Variants in EP300 observed in about 807,000 individuals in gnomAD.
EP300 encodes the protein EP300 lysine acetyltransferase.
In EP300, 31 loss-of-function variants were observed where a neutral mutation model predicts 264.0. That is an observed-to-expected ratio of 0.12 (90% CI 0.09 to 0.16). The LOEUF is 0.16. Ranked by LOEUF, EP300 falls within the 10% of genes least tolerant of loss-of-function variation. EP300 has a pLI of 1.00. For missense variants in EP300, 2,766 were observed against 3,052.9 expected (o/e 0.91, Z 2.21); for synonymous variants, 1,340 against 1,045.4 (o/e 1.28, Z -5.44).
At chr22:41,128,896 G>T (rs544652198) in intron 4 of EP300, among the ~76,000 whole-genome samples, 24 of 152,216 alleles carry the variant, frequency 1.6e-4, no homozygotes, top group Middle Eastern at 3.4e-3. Context: ...TAACTCACTC[G>T]GTAAAGGTCG....
intron 18 of EP300, among the ~76,000 whole-genome samples, 200 bp from the exon 19 acceptor site, chr22:41,158,212 A>G (rs922896174): frequency 2.0e-5 from 3 of 152,210 alleles, no homozygotes; most frequent in African/African-American, 7.2e-5. Context: ...ATGGAAGGAT[A>G]TGACTGCTAA....
chr22:41,130,679 C>T (rs557835971), intron 5 of EP300, among the ~76,000 whole-genome samples: 68 of 152,114 alleles, frequency 4.5e-4, no homozygotes, highest in African/African-American at 1.5e-3. Flanking sequence ...ATTTAAAGAC[C>T]GTTGCTTTGG....
At position 41,164,154 on chromosome 22, in the gene EP300, C is replaced by A. The variant is rs765248981; in HGVS notation, c.3806+24C>A. The stretch of plus-strand genomic sequence containing the variant: ...GGGTAAGTCTTAACGTTGTTACTTT[C>A]TCTGGAATTTTTCTTTATCGTGAAT... On this transcript the variant is annotated intron_variant, in intron 22 of 30. Transcript: ENST00000263253. 17 of 1,608,204 alleles carry A rather than the reference C, an allele frequency of 1.1e-5. No individual in the cohort carries two copies. The African/African-American group carries it at 1.7e-4, about 16-fold the overall frequency.
chr22:41,122,296 G>C (rs1158356783), intron 2 of EP300, among the ~76,000 whole-genome samples: 1 of 151,538 alleles, frequency 6.6e-6, no homozygotes, highest in Non-Finnish European at 1.5e-5. Context: ...CTCCCGAGTA[G>C]GTGGGATTGC....
rs1340153477 is a variant in EP300, at chr22:41,172,683, T to A, written c.4617+20T>A. 1 of 1,607,260 alleles carries A rather than the reference T, an allele frequency of 6.2e-7. No individual in the cohort carries two copies. The stretch of plus-strand genomic sequence containing the variant: ...ACAGATGTAAGGGCATTGAGTTTCC[T>A]TTGAAACTTCTATCATGATTCTAAT... On this transcript the variant is annotated intron_variant, in intron 28 of 30. Transcript: ENST00000263253.
chr22:41,151,503 C>T (rs1382354877), intron 14 of EP300, among the ~76,000 whole-genome samples: 4 of 152,120 alleles, frequency 2.6e-5, no homozygotes, highest in Non-Finnish European at 5.9e-5. Flanking sequence ...TTCTTATTTT[C>T]TTTCACTCAT....
intron 1 of EP300, among the ~76,000 whole-genome samples, chr22:41,112,882 C>T (rs2058800974): frequency 6.6e-6 from 1 of 152,078 alleles, no homozygotes; most frequent in Non-Finnish European, 1.5e-5. Flanking sequence ...TCCCATGTGC[C>T]TATTACCCAG....
At chr22:41,173,543 A>G in intron 28 of EP300, 80 bp from the exon 29 acceptor site, 1 of 1,418,396 alleles carries the variant, frequency 7.1e-7, no homozygotes, top group African/African-American at 1.4e-5. Context: ...TCTAGTTTCA[A>G]AGAAGGGAGA....
chr22:41,109,681 T>C (rs565566167), intron 1 of EP300, among the ~76,000 whole-genome samples: 73 of 152,160 alleles, frequency 4.8e-4, no homozygotes, highest in Admixed American at 1.2e-3. Flanking sequence ...TTTGCTGTTA[T>C]GCAGAGATGG....
At chr22:41,167,584 G>GTATATATATATATATATA (rs56131556) in intron 23 of EP300, among the ~76,000 whole-genome samples, 4 of 34,500 alleles carry the variant, frequency 1.2e-4, no homozygotes, top group South Asian at 8.0e-4. Context: ...GTGTGTGTGT[G>GTATATATATATATATATA]TATATATATA....
chr22:41,176,084 G>A, intron 29 of EP300, 163 bp from the exon 30 acceptor site: 2 of 758,996 alleles, frequency 2.6e-6, no homozygotes, highest in East Asian at 2.5e-5. Flanking sequence ...GCCAGGTGTG[G>A]TGGTGTGGGC....
At position 41,178,777 on chromosome 22, in the gene EP300, G is replaced by A. The variant is rs2059220228; in HGVS notation, c.7066G>A (p.Ala2356Thr). Residue 2356 changes from alanine to threonine, a missense_variant, in exon 31 of 31, where the codon GCC (alanine) becomes ACC (threonine). Coordinates refer to ENST00000263253, the MANE Select transcript of EP300 (RefSeq NM_001429.4). The stretch of plus-strand genomic sequence containing the variant: ...ACATCCTGGACTGGTAGCTGCCCAG[G>A]CCAACCCCATGGAACAAGGGCATTT... ...SPHPGLVAAQ[A>T]NPMEQGHFAS... is the part of the protein sequence containing the mutation. 2.5e-6 allele frequency: 4 copies of A among 1,613,966 alleles called. No individual in the cohort carries two copies. Among genetic ancestry groups the A allele is most frequent in the Non-Finnish European group, 3.4e-6 (4 of 1,179,988 alleles).
intron 1 of EP300, among the ~76,000 whole-genome samples, chr22:41,095,221 G>C (rs927092753): frequency 5.5e-5 from 8 of 146,416 alleles, no homozygotes; most frequent in African/African-American, 2.0e-4. Flanking sequence ...TTCAAGTTGG[G>C]TACCATTGTA....
intron 1 of EP300, among the ~76,000 whole-genome samples, chr22:41,095,232 A>ATTTTTTTTTTTTT (rs66515117): frequency 1.2e-5 from 1 of 80,246 alleles, no homozygotes; most frequent in Non-Finnish European, 2.2e-5. Context: ...TACCATTGTA[A>ATTTTTTTTTTTTT]TTTTTTTTTT....
At chr22:41,131,073 C>G (rs1453611603) in intron 5 of EP300, among the ~76,000 whole-genome samples, 1 of 152,128 alleles carries the variant, frequency 6.6e-6, no homozygotes, top group African/African-American at 2.4e-5. Flanking sequence ...GTAGTGTAGG[C>G]AGAAATGATG....
chr22:41,164,058 T>C lies in EP300; in HGVS notation c.3734T>C (p.Val1245Ala). The C allele has an allele frequency of 6.2e-7, 1 of 1,614,168 alleles. No individual in the cohort carries two copies. Among genetic ancestry groups the C allele is most frequent in the South Asian group, 1.1e-5 (1 of 91,080 alleles). The part of the protein sequence containing the change: ...KNDTLDPELF[V>A]ECTECGRKMH... ...AATTGGCTCTGCTCTTCCAGGTTTG[T>C]TGAATGTACAGAGTGCGGAAGAAAG... The change falls in exon 22 of 31, where the codon GTT becomes GCT. Residue 1245 changes from valine to alanine, a missense_variant. By Grantham distance (64) the Val-to-Ala change is moderately conservative. Transcript: ENST00000263253.
chr22:41,125,766 G>GAA, intron 2 of EP300, 98 bp from the exon 3 acceptor site: 1 of 1,329,346 alleles, frequency 7.5e-7, no homozygotes, highest in Non-Finnish European at 1.1e-6. Flanking sequence ...AATTTCCTTT[G>GAA]AAACTGTCTT....
rs750574118 is a variant in EP300 at position 41,127,789 on chromosome 22, C to T, written c.1168+41C>T. 5 of 1,612,382 alleles carry T rather than the reference C, an allele frequency of 3.1e-6. No homozygotes were observed. In the East Asian group the frequency reaches 6.7e-5, roughly 22 times the overall value. ...GGGTTACTGTACTTAGCAATTTTTACAGCCAGGGAGAAGAAGGAAAATGTG... is the reference window on the plus strand; with the variant it reads ...GGGTTACTGTACTTAGCAATTTTTATAGCCAGGGAGAAGAAGGAAAATGTG... On this transcript the variant is annotated intron_variant, in intron 4 of 30. Coordinates refer to ENST00000263253, the MANE Select transcript of EP300 (RefSeq NM_001429.4).
intron 27 of EP300, among the ~76,000 whole-genome samples, chr22:41,171,046 T>C (rs1362630810): frequency 2.0e-5 from 3 of 151,872 alleles, no homozygotes; most frequent in Admixed American, 6.6e-5. Context: ...ATTGCTTTTA[T>C]TTTGTATATT....
Sources: gnomAD v4.1 joint callset for allele counts (sites outside exome capture counted in the v4.1 genomes callset) on GRCh38, gnomAD v4.1.1 for gene constraint, MANE v1.5 for transcripts, NCBI Gene and HGNC (gene_info 2026-07-23, HGNC 2026-07-21) for gene names.